Variants in PUS3 observed in about 807,000 individuals in gnomAD.
PUS3 encodes the protein tRNA pseudouridine(38/39) synthase.
Under a neutral mutation model 43.3 loss-of-function variants are expected in PUS3, and 36 were observed. The observed-to-expected ratio is 0.83, with a 90% CI of 0.64 to 1.10. The LOEUF (loss-of-function observed/expected upper bound fraction) is 1.10. Among genes scored for constraint, PUS3 ranks in the 50% least tolerant of loss-of-function variants. The pLI is 0.00. For synonymous variants in PUS3, 183 were observed against 199.2 expected, an observed-to-expected ratio of 0.92 and a Z score of 0.69; for missense variants, 544 against 589.9, an observed-to-expected ratio of 0.92 and a Z score of 0.81.
At chr11:125,900,389 C>T (rs1944735288) in intron 1 of PUS3, 1 of 911,548 alleles carries the variant, frequency 1.1e-6, no homozygotes, top group Non-Finnish European at 1.7e-6. Flanking sequence ...AGGACTTCAC[C>T]TATCATTGGT....
intron 1 of PUS3, among the ~76,000 whole-genome samples, chr11:125,901,843 A>G (rs1279394210): frequency 1.3e-5 from 2 of 152,248 alleles, no homozygotes; most frequent in African/African-American, 4.8e-5. Context: ...ATTAAGTGAC[A>G]TGAATGTATC....
Position 125,896,145 on chromosome 11 carries a change from C to T in PUS3, c.140G>A (p.Gly47Glu), listed in dbSNP as rs1277486162. The T allele has an allele frequency of 2.5e-6, 4 of 1,614,172 alleles. No individual in the cohort carries two copies. The highest frequency in any genetic ancestry group is 2.2e-5 in the East Asian group (1 of 44,886). ...EDSNIRENSA[G>E]AGKTKRAFDF... is the part of the protein sequence containing the mutation. Reference sequence around the variant, plus strand: ...AAATGCACGCTTAGTTTTTCCAGCTCCTGCTGAATTTTCTCTAATGTTTGA... The same window carrying T: ...AAATGCACGCTTAGTTTTTCCAGCTTCTGCTGAATTTTCTCTAATGTTTGA... The change falls in exon 2 of 4, where the codon GGA (glycine) becomes GAA (glutamate). Residue 47 changes from glycine (G) to glutamate (E), a missense_variant. By Grantham distance (98) the Gly-to-Glu change is moderately conservative. Coordinates refer to ENST00000227474, the MANE Select transcript of PUS3 (RefSeq NM_031307.4).
At chr11:125,896,647 A>G (rs1363070285) in intron 1 of PUS3, among the ~76,000 whole-genome samples, 3 of 152,248 alleles carry the variant, frequency 2.0e-5, no homozygotes, top group African/African-American at 7.2e-5. Context: ...CTGATGTTAC[A>G]GATTTTTTTC....
chr11:125,895,743 G>A lies in PUS3; in HGVS notation c.425C>T (p.Ser142Phe). The A allele has an allele frequency of 6.2e-7, 1 of 1,610,618 alleles. No individual in the cohort carries two copies. The highest frequency in any genetic ancestry group is 8.5e-7 in the Non-Finnish European group (1 of 1,179,248). ...LRSQFPRGRD[S>F]EDFNVKEEAN... ...CTCCTCTTTTACATTAAAGTCCTCG[G>A]AATCCCTGCCCCTTGGAAACTGAGA... is the stretch of plus-strand genomic sequence containing the variant. The change falls in exon 3 of 4, where the codon TCC becomes TTC. Residue 142 changes from serine (S) to phenylalanine (F), a missense_variant. Coordinates refer to ENST00000227474, the MANE Select transcript of PUS3 (RefSeq NM_031307.4).
At position 125,895,353 on chromosome 11, in the gene PUS3, T is replaced by A; in HGVS notation, c.815A>T (p.Gln272Leu). The A allele has an allele frequency of 6.2e-7, 1 of 1,614,236 alleles. No homozygotes were observed. The highest frequency in any genetic ancestry group is 8.5e-7 in the Non-Finnish European group (1 of 1,180,052). Residue 272 changes from glutamine (Q) to leucine (L), a missense_variant, in exon 3 of 4, where the codon CAG (glutamine) becomes CTG (leucine). Transcript: ENST00000227474. ...TCGGACTTGATGATAAAGGAATGCC[T>A]GGCCAGTCACTTCAAACTGACATAA... is the stretch of plus-strand genomic sequence containing the variant. ...FQLCQFEVTG[Q>L]AFLYHQVRCM...
In PUS3 at chr11:125,894,153, G is replaced by A; in HGVS notation, c.1078C>T (p.His360Tyr). The A allele has an allele frequency of 1.9e-6, 3 of 1,614,078 alleles. No homozygotes were observed. Among genetic ancestry groups the A allele is most frequent in the South Asian group, 1.1e-5 (1 of 91,076 alleles). ...QLWANHAVKTHMLYSMLQGLD... is the reference protein window; with the variant it reads ...QLWANHAVKTYMLYSMLQGLD... ...CCTTGTAGCATACTATACAACATGT[G>A]AGTTTTGACAGCATGATTAGCCCAC... Residue 360 changes from histidine (H) to tyrosine (Y), a missense_variant, in exon 4 of 4, where the codon CAC (histidine) becomes TAC (tyrosine). His to Tyr is a moderately conservative substitution (Grantham distance 83). Transcript: ENST00000227474.
intron 3 of PUS3, 106 bp from the exon 4 acceptor site, chr11:125,894,392 A>G (rs1944512171): frequency 2.5e-6 from 2 of 815,110 alleles, no homozygotes; most frequent in East Asian, 4.9e-5. Flanking sequence ...GGGCGCCACC[A>G]TTGATGTTAA....
chr11:125,896,338 G>T lies in PUS3; in HGVS notation c.-46-8C>A, dbSNP rs1486632503. The T allele has an allele frequency of 2.2e-5, 33 of 1,495,028 alleles. No individual in the cohort carries two copies. The highest frequency in any genetic ancestry group is 3.0e-5 in the Non-Finnish European group (33 of 1,097,496). The allele number at this position is 1,495,028 out of a possible 1,614,324, so 92.6% of individuals were successfully genotyped here. ...CATACAGGTCTGCCCTGTCTGAAAA[G>T]AGAGCAAAGGGATACAACAGTTTCA... On this transcript the variant is annotated splice_region_variant and splice_polypyrimidine_tract_variant and intron_variant, in intron 1 of 3. Transcript: ENST00000227474.
At chr11:125,901,022 AAAAAAG>A (rs1217089857) in intron 1 of PUS3, among the ~76,000 whole-genome samples, 10 of 151,956 alleles carry the variant, frequency 6.6e-5, no homozygotes, top group African/African-American at 1.4e-4. Flanking sequence ...AAAAAAAAAA[AAAAAAG>A]AAGGAACAAA....
chr11:125,895,809 T>C lies in PUS3; in HGVS notation c.379-20A>G, dbSNP rs373243280. ...GATCACCTGTGGAGTTAGACAAAGA[T>C]ACTGGGTTTTAGAGACACAAATAAT... On this transcript the variant is annotated intron_variant, in intron 2 of 3. Transcript: ENST00000227474. 4 of 1,583,458 alleles carry C rather than the reference T, an allele frequency of 2.5e-6. No individual in the cohort carries two copies. The African/African-American group carries it at 5.4e-5, about 21-fold the overall frequency.
chr11:125,897,522 T>TAA (rs367854387), intron 1 of PUS3, among the ~76,000 whole-genome samples: 53 of 147,342 alleles, frequency 3.6e-4, no homozygotes, highest in Middle Eastern at 3.5e-3. Context: ...AATGAAAAAG[T>TAA]AAAAAAAAAA....
At position 125,893,895 on chromosome 11, in the gene PUS3, C is replaced by T. The variant is rs1944489025; in HGVS notation, c.1336G>A (p.Glu446Lys). Residue 446 changes from glutamate to lysine, a missense_variant, in exon 4 of 4, where the codon GAA becomes AAA. Physicochemically the swap from Glu to Lys is moderately conservative, Grantham distance 56. Coordinates refer to ENST00000227474, the MANE Select transcript of PUS3 (RefSeq NM_031307.4). ...TTACAGTCCCTTTTGGCTTTTGTTT[C>T]TTCCTCATGGAATAAATGTGGGTGC... The part of the protein sequence containing the change: ...IEHPHLFHEE[E>K]TKAKRDCNDT... The T allele has an allele frequency of 1.2e-6, 2 of 1,614,010 alleles. No homozygotes were observed. The highest frequency in any genetic ancestry group is 1.3e-5 in the African/African-American group (1 of 74,920).
intron 1 of PUS3, chr11:125,899,620 G>C: frequency 6.2e-7 from 1 of 1,614,158 alleles, no homozygotes; most frequent in Non-Finnish European, 8.5e-7. Context: ...CAGTCTCTGA[G>C]GCCTCCCAAA....
chr11:125,902,484 C>G (rs1253770377), intron 1 of PUS3, among the ~76,000 whole-genome samples: 1 of 151,804 alleles, frequency 6.6e-6, no homozygotes, highest in Non-Finnish European at 1.5e-5. Context: ...CAAGATGGCG[C>G]ACGCCTGCAG....
intron 1 of PUS3, among the ~76,000 whole-genome samples, chr11:125,897,649 A>ATT (rs1944629176): frequency 6.6e-6 from 1 of 152,224 alleles, no homozygotes; most frequent in South Asian, 2.1e-4. Flanking sequence ...CTCAGCTGAG[A>ATT]TAAATGCAAA....
chr11:125,901,945 C>CT (rs1367210979), intron 1 of PUS3, among the ~76,000 whole-genome samples: 1 of 152,138 alleles, frequency 6.6e-6, no homozygotes, highest in East Asian at 1.9e-4. Flanking sequence ...TATACCTCGA[C>CT]TTTTTATGAG....
At chr11:125,896,440 C>T (rs371143127) in intron 1 of PUS3, 110 bp from the exon 2 acceptor site, 11 of 769,180 alleles carry the variant, frequency 1.4e-5, no homozygotes, top group African/African-American at 1.4e-4. Flanking sequence ...TTTGCTTTTC[C>T]AGGAATACAA....
chr11:125,898,411 C>T (rs1944656064), intron 1 of PUS3, among the ~76,000 whole-genome samples: 2 of 152,254 alleles, frequency 1.3e-5, no homozygotes, highest in African/African-American at 2.4e-5. Context: ...GACAGCTGGG[C>T]GCGGTGGCTC....
rs753016462 is a variant in PUS3, at chr11:125,894,109, T to G, written c.1122A>C (p.Val374=). ...SMLQGLDTVP[V]PCGIGPKMDG... is the part of the protein sequence containing the mutation. ...CCATCTTTGGTCCTATTCCACAGGG[T>G]ACTGGAACAGTGTCCAGTCCTTGTA... Residue 374 remains valine (V), a synonymous_variant, in exon 4 of 4, where the codon GTA becomes GTC. Transcript: ENST00000227474. The G allele has an allele frequency of 6.2e-6, 10 of 1,613,998 alleles. No homozygotes were observed. The Admixed American group carries it at 1.3e-4, about 22-fold the overall frequency.
Sources: gnomAD v4.1 joint callset for allele counts (sites outside exome capture counted in the v4.1 genomes callset) on GRCh38, gnomAD v4.1.1 for gene constraint, MANE v1.5 for transcripts, NCBI Gene and HGNC (gene_info 2026-07-23, HGNC 2026-07-21) for gene names.